SGK2: variants seen among roughly 807,000 people sequenced by gnomAD.
SGK2 encodes serum/glucocorticoid regulated kinase 2, also known as serine/threonine-protein kinase Sgk2.
In SGK2, 36 loss-of-function variants were observed where a neutral mutation model predicts 47.5. That is an observed-to-expected ratio of 0.76 (90% CI 0.58 to 1.00). The LOEUF (loss-of-function observed/expected upper bound fraction) is 1.00. Ranked by LOEUF, SGK2 falls within the 50% of genes least tolerant of loss-of-function variation. The probability of loss-of-function intolerance (pLI) is 0.00; values close to 1 mark genes in which losing one functional copy is unlikely to be tolerated. For missense variants in SGK2, 404 were observed against 467.4 expected (o/e 0.86, Z 1.25); for synonymous variants, 157 against 181.9 (o/e 0.86, Z 1.10).
intron 11 of SGK2, among the ~76,000 whole-genome samples, chr20:43,576,975 G>A (rs1013042478): frequency 2.6e-5 from 4 of 152,078 alleles, no homozygotes; most frequent in Admixed American, 1.3e-4. Context: ...TGGGATTGGG[G>A]GCAGGCAAAA....
Position 43,567,192 on chromosome 20 carries a change from A to G in SGK2, c.86+75A>G, listed in dbSNP as rs1979786183. 3.2e-6 allele frequency: 4 copies of G among 1,243,350 alleles called. No homozygotes were observed. In the South Asian group the frequency reaches 4.8e-5, roughly 15 times the overall value. 77.0% of individuals were successfully genotyped at this position (1,243,350 alleles called of 1,614,324 possible). A position where few individuals can be genotyped will look rare whatever the true frequency, so the allele number is the denominator to read the frequency against. On this transcript the variant is annotated intron_variant, in intron 3 of 12. Transcript: ENST00000373100. Reference sequence around the variant, plus strand: ...TGGCTCCCCTTGCCTTGGGAATAAAATCCAGATTCTCTGGTCTAGCATTCA... The same window carrying G: ...TGGCTCCCCTTGCCTTGGGAATAAAGTCCAGATTCTCTGGTCTAGCATTCA...
rs903474022 is a variant in SGK2 at position 43,576,544 on chromosome 20, G to A, written c.849+165G>A. ...TGCTACTAGCTGACTACTTTCTCCA[G>A]TCTAGTTCTCTTAGTCAATCAATAT... On this transcript the variant is annotated intron_variant, in intron 11 of 12. Transcript: ENST00000373100. Among the ~76,000 whole-genome samples the A allele has an allele frequency of 3.2e-4, 49 of 152,240 alleles. 1 individual carries two copies. Among genetic ancestry groups the A allele is most frequent in the Non-Finnish European group, 1.0e-4 (7 of 68,052 alleles).
chr20:43,561,386 ATTTTT>A (rs5841510), intron 1 of SGK2, among the ~76,000 whole-genome samples: 2 of 112,408 alleles, frequency 1.8e-5, no homozygotes, highest in Non-Finnish European at 1.8e-5. Flanking sequence ...GAGGCTTTGG[ATTTTT>A]TTTTTTTTTT....
At chr20:43,566,661 C>T (rs1979741615) in intron 2 of SGK2, 130 bp downstream of exon 2, 2 of 639,224 alleles carry the variant, frequency 3.1e-6, no homozygotes, top group Admixed American at 5.8e-5. Flanking sequence ...GAGCCACTTG[C>T]AGGGTGAATA....
At chr20:43,584,578 C>T (rs1462549780) in intron 12 of SGK2, among the ~76,000 whole-genome samples, 3 of 152,198 alleles carry the variant, frequency 2.0e-5, no homozygotes, top group African/African-American at 7.2e-5. Context: ...TCTTGTTCTC[C>T]TGTGTTCCCA....
At chr20:43,569,318 G>A in intron 5 of SGK2, 67 bp from the exon 6 acceptor site, 1 of 1,590,982 alleles carries the variant, frequency 6.3e-7, no homozygotes. Context: ...AGCTTATATG[G>A]GCTGAGCCGG....
chr20:43,567,641 C>G (rs750022001), intron 3 of SGK2, 24 bp from the exon 4 acceptor site: 1 of 1,612,658 alleles, frequency 6.2e-7, no homozygotes, highest in South Asian at 1.1e-5. Context: ...AAATGCTGAT[C>G]CGTGTTTTTC....
intron 1 of SGK2, among the ~76,000 whole-genome samples, chr20:43,562,628 C>G (rs1453377666): frequency 6.6e-6 from 1 of 151,752 alleles, no homozygotes; most frequent in African/African-American, 2.4e-5. Context: ...GTAATCCCAG[C>G]TACTCGGGAG....
chr20:43,577,371 G>A (rs1329844018), intron 11 of SGK2, among the ~76,000 whole-genome samples: 57 of 127,990 alleles, frequency 4.5e-4, no homozygotes, highest in Admixed American at 2.4e-3. Flanking sequence ...TTTTTTTTCC[G>A]AGACAGAGTC....
Position 43,569,426 on chromosome 20 carries a change from C to T in SGK2, c.270C>T (p.Asn90=), listed in dbSNP as rs202138178. 6 of 1,613,878 alleles carry T rather than the reference C, an allele frequency of 3.7e-6. No homozygotes were observed. Among genetic ancestry groups the T allele is most frequent in the Admixed American group, 1.7e-5 (1 of 59,998 alleles). The part of the protein sequence containing the change: ...IMAERSVLLK[N]VRHPFLVGLR... ...CAGAGCGCAGTGTGCTTCTGAAGAACGTGCGGCACCCCTTCCTCGTGGGCC... is the reference window on the plus strand; with the variant it reads ...CAGAGCGCAGTGTGCTTCTGAAGAATGTGCGGCACCCCTTCCTCGTGGGCC... The change falls in exon 6 of 13, where the codon AAC becomes AAT. Residue 90 remains asparagine, a synonymous_variant. Coordinates refer to ENST00000373100, the MANE Select transcript of SGK2 (RefSeq NM_170693.3).
rs184459681 is a variant in SGK2 at position 43,572,368 on chromosome 20, C to T, written c.597+231C>T. Among the ~76,000 whole-genome samples, 5 of 152,290 alleles carry T rather than the reference C, an allele frequency of 3.3e-5. No individual in the cohort carries two copies. The East Asian group carries it at 9.7e-4, about 29-fold the overall frequency. ...TGGTGAAGCTCTACTGCAGTGCTAT[C>T]CAGTAGAAATAGAAATAGAAACGCA... On this transcript the variant is annotated intron_variant, in intron 9 of 12. Coordinates refer to ENST00000373100, the MANE Select transcript of SGK2 (RefSeq NM_170693.3). This position sits in a 1 kb window ranked among gnomAD's most constrained non-coding sequence, Gnocchi z 4.2.
Position 43,572,344 on chromosome 20 carries a change from G to A in SGK2, c.597+207G>A, listed in dbSNP as rs1203962779. Among the ~76,000 whole-genome samples, 1 of 152,204 alleles carries A rather than the reference G, an allele frequency of 6.6e-6. No individual in the cohort carries two copies. The highest frequency in any genetic ancestry group is 1.5e-5 in the Non-Finnish European group (1 of 68,038). The stretch of plus-strand genomic sequence containing the variant: ...GCTGAGACCCAGCCAGCTAGCTGCT[G>A]GTGAAGCTCTACTGCAGTGCTATCC... On this transcript the variant is annotated intron_variant, in intron 9 of 12. Coordinates refer to ENST00000373100, the MANE Select transcript of SGK2 (RefSeq NM_170693.3). The surrounding 1 kb of genome is among the most constrained non-coding windows in gnomAD (Gnocchi z 4.2).
At chr20:43,576,828 G>T (rs774668929) in intron 11 of SGK2, among the ~76,000 whole-genome samples, 1 of 152,212 alleles carries the variant, frequency 6.6e-6, no homozygotes, top group East Asian at 1.9e-4. Context: ...TGTAATCCTG[G>T]CTACTTAGTA....
chr20:43,562,260 A>C (rs1186342838), intron 1 of SGK2, among the ~76,000 whole-genome samples: 1 of 150,156 alleles, frequency 6.7e-6, no homozygotes. Context: ...CAAAAAGTAC[A>C]AAAAAAAATT....
intron 12 of SGK2, among the ~76,000 whole-genome samples, chr20:43,584,467 GA>G (rs1980981143): frequency 6.6e-6 from 1 of 151,926 alleles, no homozygotes; most frequent in East Asian, 1.9e-4. Context: ...TTCTTCATAG[GA>G]CCTATCACCA....
At chr20:43,573,050 A>G (rs1445162966) in intron 9 of SGK2, among the ~76,000 whole-genome samples, 1 of 152,214 alleles carries the variant, frequency 6.6e-6, no homozygotes, top group African/African-American at 2.4e-5. Context: ...CTGAGTGTTA[A>G]GACCTGGGCT....
chr20:43,568,250 C>A (rs578130049), intron 5 of SGK2, among the ~76,000 whole-genome samples: 2 of 152,208 alleles, frequency 1.3e-5, no homozygotes, highest in Non-Finnish European at 2.9e-5. Context: ...ACAGGCTCCA[C>A]GATGGACAAG....
At chr20:43,583,254 G>A (rs1008376065) in intron 12 of SGK2, 36 of 1,289,570 alleles carry the variant, frequency 2.8e-5, no homozygotes, top group East Asian at 5.5e-5. Flanking sequence ...AGATAATGTC[G>A]AACTTATACC....
chr20:43,571,065 GTGT>G lies in SGK2; in HGVS notation c.510+6_510+8del. 9 of 40,918 alleles carry G rather than the reference GTGT, an allele frequency of 2.2e-4. No homozygotes were observed. The highest frequency in any genetic ancestry group is 3.7e-4 in the Non-Finnish European group (9 of 24,568). The allele number at this position is 40,918 out of a possible 1,614,324, so 2.5% of individuals were successfully genotyped here. ...AACATTCTCTTGGACTGCCAGGTTG[GTGT>G]GTGTGTGTGTGTGTGTGTGTGTGTG... On this transcript the variant is annotated splice_donor_region_variant and intron_variant, in intron 8 of 12. Transcript: ENST00000373100.
Sources: gnomAD v4.1 joint callset for allele counts (sites outside exome capture counted in the v4.1 genomes callset) on GRCh38, gnomAD v4.1.1 for gene constraint, Gnocchi (gnomAD v3.1) non-coding constraint, MANE v1.5 for transcripts, NCBI Gene and HGNC (gene_info 2026-07-23, HGNC 2026-07-21) for gene names.